The following ETV6 variants were observed in gnomAD, a reference collection of about 807,000 sequenced individuals.
ETV6 encodes the protein ETS variant transcription factor 6.
A neutral mutation model predicts 51.1 loss-of-function variants in ETV6; 16 were observed. The observed-to-expected ratio is 0.31, with a 90% CI of 0.21 to 0.48. ETV6 has a LOEUF of 0.48. Among genes scored for constraint, ETV6 ranks in the 20% least tolerant of loss-of-function variants. The pLI is 0.99. For synonymous variants in ETV6, 240 were observed against 224.1 expected (o/e 1.07, Z -0.64); for missense variants, 458 against 594.8 (o/e 0.77, Z 2.39).
chr12:11,837,945 G>A (rs148478084), intron 2 of ETV6, among the ~76,000 whole-genome samples: 54 of 151,902 alleles, frequency 3.6e-4, no homozygotes, highest in Admixed American at 7.9e-4. Flanking sequence ...ATTAAACCTG[G>A]GTATTTACAA....
At chr12:11,731,869 A>G (rs1277170337) in intron 1 of ETV6, among the ~76,000 whole-genome samples, 1 of 152,176 alleles carries the variant, frequency 6.6e-6, no homozygotes, top group Non-Finnish European at 1.5e-5. Context: ...GTATTAGCTC[A>G]GTTGAAAATG....
intron 2 of ETV6, among the ~76,000 whole-genome samples, chr12:11,756,899 C>T (rs1236261012): frequency 1.3e-5 from 2 of 152,144 alleles, no homozygotes. Context: ...AATTAAATGT[C>T]GTTATTTTAA....
chr12:11,759,444 T>G (rs1319525905), intron 2 of ETV6, among the ~76,000 whole-genome samples: 2 of 152,196 alleles, frequency 1.3e-5, no homozygotes, highest in Non-Finnish European at 2.9e-5. Flanking sequence ...GTTATTTATG[T>G]GAGCCCAGAG....
chr12:11,871,290 G>A (rs1477566132), intron 5 of ETV6, among the ~76,000 whole-genome samples: 5 of 148,762 alleles, frequency 3.4e-5, no homozygotes, highest in African/African-American at 7.5e-5. Flanking sequence ...CCGGGTTCAC[G>A]TCATTCTCCT....
At chr12:11,853,843 GGTCTTCTC>G (rs1946593659) in intron 4 of ETV6, among the ~76,000 whole-genome samples, 1 of 152,116 alleles carries the variant, frequency 6.6e-6, no homozygotes, top group South Asian at 2.1e-4. Context: ...CAGGAAGCAG[GGTCTTCTC>G]ATAAAGGAAG....
chr12:11,707,790 T>G (rs541468345), intron 1 of ETV6, among the ~76,000 whole-genome samples: 1 of 152,206 alleles, frequency 6.6e-6, no homozygotes, highest in Non-Finnish European at 1.5e-5. Flanking sequence ...CATGGAGTGG[T>G]GATCCCTGGC....
intron 1 of ETV6, among the ~76,000 whole-genome samples, chr12:11,669,005 CT>C (rs1864251693): frequency 6.6e-6 from 1 of 152,202 alleles, no homozygotes; most frequent in South Asian, 2.1e-4. Context: ...CTTTGCAACT[CT>C]TACTTTGTGG....
intron 1 of ETV6, among the ~76,000 whole-genome samples, chr12:11,709,649 G>A (rs908971472): frequency 6.6e-6 from 1 of 152,232 alleles, no homozygotes; most frequent in Admixed American, 6.5e-5. Context: ...TCTTCTGGAT[G>A]TTTCTGTGAA....
chr12:11,668,204 A>T (rs1182883719), intron 1 of ETV6, among the ~76,000 whole-genome samples: 1 of 141,168 alleles, frequency 7.1e-6, no homozygotes, highest in Non-Finnish European at 1.6e-5. Context: ...TTGCTTAAAA[A>T]TTGACCTGCC....
chr12:11,720,241 C>G (rs1169817169), intron 1 of ETV6, among the ~76,000 whole-genome samples: 1 of 152,144 alleles, frequency 6.6e-6, no homozygotes, highest in African/African-American at 2.4e-5. Context: ...AGTCATCTCC[C>G]TAATAAGCCT....
intron 2 of ETV6, among the ~76,000 whole-genome samples, chr12:11,831,189 T>G (rs1453556089): frequency 6.6e-6 from 1 of 151,678 alleles, no homozygotes; most frequent in Non-Finnish European, 1.5e-5. Context: ...TTTAAATAGT[T>G]TGTGTGTGTG....
At chr12:11,690,221 A>G (rs1205292081) in intron 1 of ETV6, among the ~76,000 whole-genome samples, 6 of 151,758 alleles carry the variant, frequency 4.0e-5, no homozygotes, top group African/African-American at 1.4e-4. Context: ...AGAGGATGGC[A>G]GGTGTAAATC....
At chr12:11,861,065 G>A (rs965195023) in intron 4 of ETV6, among the ~76,000 whole-genome samples, 9 of 152,180 alleles carry the variant, frequency 5.9e-5, no homozygotes, top group African/African-American at 2.2e-4. Flanking sequence ...TGCAGTATCT[G>A]GCGAGCGCTG....
At chr12:11,712,250 A>C (rs1865188391) in intron 1 of ETV6, among the ~76,000 whole-genome samples, 1 of 152,182 alleles carries the variant, frequency 6.6e-6, no homozygotes, top group Admixed American at 6.5e-5. Context: ...TATTTCATCC[A>C]TCTAATCCGT....
chr12:11,855,537 A>G lies in ETV6; in HGVS notation c.463+1976A>G, dbSNP rs547653253. Among the ~76,000 whole-genome samples, 19 of 152,312 alleles carry G rather than the reference A, an allele frequency of 1.2e-4. No individual in the cohort carries two copies. The South Asian group carries it at 3.7e-3, about 30-fold the overall frequency. ...TGGTCCCTTGGGGCATTTCCTTAAA[A>G]TGATTGCTCATCCCCAAGAGCAGGG... On this transcript the variant is annotated intron_variant, in intron 4 of 7. Transcript: ENST00000396373.
chr12:11,855,524 G>C (rs928269355), intron 4 of ETV6, among the ~76,000 whole-genome samples: 1 of 152,166 alleles, frequency 6.6e-6, no homozygotes, highest in Admixed American at 6.5e-5. Flanking sequence ...GTCCCTTGGG[G>C]CATTTCCTTA....
intron 2 of ETV6, among the ~76,000 whole-genome samples, chr12:11,770,589 C>T (rs1945228857): frequency 6.6e-6 from 1 of 152,218 alleles, no homozygotes; most frequent in Non-Finnish European, 1.5e-5. Flanking sequence ...GCCCTTCCTC[C>T]TTCCCTTCCT....
chr12:11,683,907 T>C (rs35694828), intron 1 of ETV6, among the ~76,000 whole-genome samples: 2 of 152,054 alleles, frequency 1.3e-5, no homozygotes. Context: ...CTTTTTTTTT[T>C]CTCTCCAAGA....
intron 1 of ETV6, among the ~76,000 whole-genome samples, chr12:11,721,546 C>T (rs536240340): frequency 6.6e-6 from 1 of 152,240 alleles, no homozygotes; most frequent in Admixed American, 6.5e-5. Context: ...TGAACATAAA[C>T]ATGGGAACAA....
Sources: allele counts gnomAD v4.1 joint callset (sites outside exome capture counted in the v4.1 genomes callset), GRCh38; gene constraint gnomAD v4.1.1; transcripts MANE v1.5; gene names NCBI Gene and HGNC (gene_info 2026-07-23, HGNC 2026-07-21).